B4GALT6: variants seen among roughly 807,000 people sequenced by gnomAD.
B4GALT6 encodes the protein UDP-Gal:beta-GlcNAc beta-1,4-galactosyltransferase 6.
Under a neutral mutation model 46.3 loss-of-function variants are expected in B4GALT6, and 14 were observed. The observed-to-expected ratio is 0.30, with a 90% CI of 0.20 to 0.47. The LOEUF is 0.47. Ranked by LOEUF, B4GALT6 falls within the 20% of genes least tolerant of loss-of-function variation. The pLI is 0.99. For synonymous variants in B4GALT6, 168 were observed against 162.0 expected, an observed-to-expected ratio of 1.04 and a Z score of -0.28; for missense variants, 386 against 480.1, an observed-to-expected ratio of 0.80 and a Z score of 1.83.
intron 7 of B4GALT6, among the ~76,000 whole-genome samples, chr18:31,626,791 T>C (rs1470275449): frequency 6.6e-6 from 1 of 151,920 alleles, no homozygotes; most frequent in Non-Finnish European, 1.5e-5. Flanking sequence ...GCCAAAAAAG[T>C]TGGGGACCGC....
chr18:31,712,529 CT>C, the B4GALT6 span, among the ~76,000 whole-genome samples: 1 of 152,096 alleles, frequency 6.6e-6, no homozygotes, highest in East Asian at 1.9e-4. Context: ...TCTCGAACTC[CT>C]GACCTCAAGT....
At chr18:31,626,410 A>C in intron 7 of B4GALT6, 26 bp from the exon 8 acceptor site, 1 of 1,226,354 alleles carries the variant, frequency 8.2e-7, no homozygotes. Context: ...TGGAAATGAA[A>C]ATATAGAGAA....
Position 31,624,122 on chromosome 18 carries a change from A to G in B4GALT6, c.*1492T>C, listed in dbSNP as rs1297799325. ...TTAAGATATGTACTTGATATCAGGTAGTAAGACCTTTTTTCAGAGAACAGT... is the reference window on the plus strand; with the variant it reads ...TTAAGATATGTACTTGATATCAGGTGGTAAGACCTTTTTTCAGAGAACAGT... On this transcript the variant is annotated 3_prime_UTR_variant, in exon 9 of 9. Transcript: ENST00000306851. The G allele has an allele frequency of 1.3e-5, 2 of 152,024 alleles. No homozygotes were observed. Among genetic ancestry groups the G allele is most frequent in the Non-Finnish European group, 2.9e-5 (2 of 67,904 alleles). The allele number at this position is 152,024 out of a possible 1,614,324, so 9.4% of individuals were successfully genotyped here. A position where few individuals can be genotyped will look rare whatever the true frequency, so the allele number is the denominator to read the frequency against.
intron 1 of B4GALT6, among the ~76,000 whole-genome samples, chr18:31,683,364 A>G (rs779045824): frequency 1.3e-5 from 2 of 152,230 alleles, no homozygotes; most frequent in Non-Finnish European, 2.9e-5. Flanking sequence ...GTAAGGAGAA[A>G]TGAGAGGAGA....
At chr18:31,721,451 A>G in the B4GALT6 span, among the ~76,000 whole-genome samples, 4 of 152,246 alleles carry the variant, frequency 2.6e-5, no homozygotes, top group Non-Finnish European at 5.9e-5. Context: ...ACTGTAAAAA[A>G]TAAAAACTTA....
chr18:31,632,340 C>G (rs774168521), intron 5 of B4GALT6, among the ~76,000 whole-genome samples: 8 of 152,130 alleles, frequency 5.3e-5, no homozygotes, highest in Non-Finnish European at 1.0e-4. Flanking sequence ...ATGACTAGTA[C>G]ATCAACATCA....
chr18:31,657,222 T>C (rs1013318195), intron 3 of B4GALT6, among the ~76,000 whole-genome samples: 2 of 152,020 alleles, frequency 1.3e-5, no homozygotes, highest in African/African-American at 2.4e-5. Flanking sequence ...TATATATATT[T>C]TTTTTGCTAT....
chr18:31,660,111 A>T (rs2144657684), intron 2 of B4GALT6, among the ~76,000 whole-genome samples: 1 of 151,462 alleles, frequency 6.6e-6, no homozygotes, highest in Non-Finnish European at 1.5e-5. Context: ...ATCATGCACC[A>T]CCACACCCAG....
intron 1 of B4GALT6, among the ~76,000 whole-genome samples, chr18:31,680,432 T>A (rs1315357864): frequency 6.6e-6 from 1 of 152,166 alleles, no homozygotes; most frequent in Non-Finnish European, 1.5e-5. Flanking sequence ...CCCATCGCCA[T>A]CAGCTCCACC....
chr18:31,715,537 C>CTTTTT, the B4GALT6 span, among the ~76,000 whole-genome samples: 131 of 49,626 alleles, frequency 2.6e-3, 17 homozygotes, highest in African/African-American at 9.4e-3. Flanking sequence ...CTGGAACTGT[C>CTTTTT]TTTTTTTTTT....
the B4GALT6 span, among the ~76,000 whole-genome samples, chr18:31,700,655 A>C: frequency 1.3e-5 from 2 of 151,950 alleles, no homozygotes; most frequent in South Asian, 4.2e-4. Flanking sequence ...ATGGGGTTTC[A>C]CCGTGTTAGC....
the B4GALT6 span, among the ~76,000 whole-genome samples, chr18:31,706,656 ACAT>A: frequency 6.6e-6 from 1 of 152,142 alleles, no homozygotes; most frequent in Non-Finnish European, 1.5e-5. Context: ...AAAAAAAAGA[ACAT>A]CATGTAACTT....
chr18:31,688,387 T>A (rs966180389), upstream of B4GALT6, among the ~76,000 whole-genome samples: 2 of 151,664 alleles, frequency 1.3e-5, no homozygotes, highest in Admixed American at 6.6e-5. Flanking sequence ...CTGTATCTTA[T>A]TTAGATTATA....
chr18:31,622,738 A>C lies in B4GALT6; in HGVS notation c.*2876T>G, dbSNP rs1327333723. On this transcript the variant is annotated 3_prime_UTR_variant, in exon 9 of 9. Coordinates refer to ENST00000306851, the MANE Select transcript of B4GALT6 (RefSeq NM_004775.5). Reference sequence around the variant, plus strand: ...ACTGAATAACTTTTCACAAAAACAAAAACTTAAATGTAGATTTAAAAAATA... The same window carrying C: ...ACTGAATAACTTTTCACAAAAACAACAACTTAAATGTAGATTTAAAAAATA... 1 of 152,090 alleles carries C rather than the reference A, an allele frequency of 6.6e-6. No individual in the cohort carries two copies. Among genetic ancestry groups the C allele is most frequent in the Non-Finnish European group, 1.5e-5 (1 of 67,924 alleles). 9.4% of individuals were successfully genotyped at this position (152,090 alleles called of 1,614,324 possible). A position where few individuals can be genotyped will look rare whatever the true frequency, so the allele number is the denominator to read the frequency against.
intron 6 of B4GALT6, among the ~76,000 whole-genome samples, chr18:31,630,028 CAGGAAGGA>C (rs759122449): frequency 8.0e-6 from 1 of 125,522 alleles, no homozygotes; most frequent in Non-Finnish European, 1.6e-5. Context: ...GAAGGAGAAG[CAGGAAGGA>C]AGGAAGGAAG....
chr18:31,624,615 A>C lies in B4GALT6; in HGVS notation c.*999T>G, dbSNP rs961478061. On this transcript the variant is annotated 3_prime_UTR_variant, in exon 9 of 9. Coordinates refer to ENST00000306851, the MANE Select transcript of B4GALT6 (RefSeq NM_004775.5). Reference sequence around the variant, plus strand: ...AGTACTATTGGGTTTTCTTCCATAGATCATTCTTTTAAAAAAACTGACTTG... The same window carrying C: ...AGTACTATTGGGTTTTCTTCCATAGCTCATTCTTTTAAAAAAACTGACTTG... 6.6e-6 allele frequency: 1 copy of C among 152,020 alleles called. No individual in the cohort carries two copies. The highest frequency in any genetic ancestry group is 1.5e-5 in the Non-Finnish European group (1 of 67,946). 9.4% of individuals were successfully genotyped at this position (152,020 alleles called of 1,614,324 possible).
At position 31,622,719 on chromosome 18, in the gene B4GALT6, T is replaced by C. The variant is rs903201606; in HGVS notation, c.*2895A>G. 1 of 151,850 alleles carries C rather than the reference T, an allele frequency of 6.6e-6. No homozygotes were observed. Among genetic ancestry groups the C allele is most frequent in the Admixed American group, 6.5e-5 (1 of 15,272 alleles). 9.4% of individuals were successfully genotyped at this position (151,850 alleles called of 1,614,324 possible). A position where few individuals can be genotyped will look rare whatever the true frequency, so the allele number is the denominator to read the frequency against. On this transcript the variant is annotated 3_prime_UTR_variant, in exon 9 of 9. Transcript: ENST00000306851. ...AATATTATAAAGTTTTCTTACTGAA[T>C]AACTTTTCACAAAAACAAAAACTTA...
chr18:31,720,841 C>T, the B4GALT6 span, among the ~76,000 whole-genome samples: 2 of 152,162 alleles, frequency 1.3e-5, no homozygotes, highest in Admixed American at 1.3e-4. Flanking sequence ...TGGGTGTGCA[C>T]AGAAGATTTG....
chr18:31,666,995 T>C (rs1011479203), intron 1 of B4GALT6, among the ~76,000 whole-genome samples: 12 of 152,352 alleles, frequency 7.9e-5, no homozygotes, highest in Non-Finnish European at 1.5e-4. Context: ...AATGTGTATT[T>C]TTAAAGCAGC....
Sources: allele counts gnomAD v4.1 joint callset (sites outside exome capture counted in the v4.1 genomes callset), GRCh38; gene constraint gnomAD v4.1.1; transcripts MANE v1.5; gene names NCBI Gene and HGNC (gene_info 2026-07-23, HGNC 2026-07-21).